Variants in TNFRSF19 observed in about 807,000 individuals in gnomAD.
TNFRSF19 encodes tumor necrosis factor receptor superfamily member 19.
In TNFRSF19, 27 loss-of-function variants were observed where a neutral mutation model predicts 46.4. The observed-to-expected ratio is 0.58, with a 90% confidence interval of 0.43 to 0.80. The LOEUF (loss-of-function observed/expected upper bound fraction) is 0.80. Ranked by LOEUF, TNFRSF19 falls within the 30% of genes least tolerant of loss-of-function variation. The probability of loss-of-function intolerance (pLI) is 0.00; values close to 1 mark genes in which losing one functional copy is unlikely to be tolerated. For synonymous variants in TNFRSF19, 204 were observed against 205.0 expected, an observed-to-expected ratio of 1.00 and a Z score of 0.04; for missense variants, 511 against 530.8, an observed-to-expected ratio of 0.96 and a Z score of 0.37.
At chr13:23,622,340 C>T (rs536422410) in intron 4 of TNFRSF19, among the ~76,000 whole-genome samples, 1 of 151,224 alleles carries the variant, frequency 6.6e-6, no homozygotes, top group South Asian at 2.1e-4. Context: ...ACCTGGGAGG[C>T]AGAGGTTGCA....
intron 4 of TNFRSF19, 139 bp from the exon 5 acceptor site, chr13:23,626,568 G>A (rs1251490771): frequency 4.3e-6 from 3 of 698,556 alleles, no homozygotes; most frequent in African/African-American, 3.6e-5. Context: ...TCAAAAATGT[G>A]TCTACCTAAG....
intron 7 of TNFRSF19, among the ~76,000 whole-genome samples, chr13:23,664,712 C>G (rs1243476950): frequency 6.6e-6 from 1 of 152,194 alleles, no homozygotes; most frequent in Non-Finnish European, 1.5e-5. Flanking sequence ...GTATATACAG[C>G]CATGCATTGC....
chr13:23,604,602 TA>T (rs1183160281), intron 3 of TNFRSF19, among the ~76,000 whole-genome samples: 4 of 152,144 alleles, frequency 2.6e-5, no homozygotes, highest in Non-Finnish European at 5.9e-5. Flanking sequence ...CATCAAGACT[TA>T]CTGTAAACAT....
intron 3 of TNFRSF19, among the ~76,000 whole-genome samples, chr13:23,601,863 AAAG>A (rs1880185640): frequency 2.0e-5 from 3 of 152,218 alleles, no homozygotes; most frequent in African/African-American, 4.8e-5. Context: ...ACAAGTATAA[AAAG>A]AAGTATAACT....
intron 3 of TNFRSF19, among the ~76,000 whole-genome samples, chr13:23,609,322 G>C (rs1477742612): frequency 1.3e-5 from 2 of 152,166 alleles, no homozygotes; most frequent in African/African-American, 4.8e-5. Context: ...TGGGCATTCT[G>C]AACCATAAAT....
Position 23,674,315 on chromosome 13 carries a change from T to G in TNFRSF19, c.*935T>G, listed in dbSNP as rs1454455226. 5 of 152,184 alleles carry G rather than the reference T, an allele frequency of 3.3e-5. No individual in the cohort carries two copies. The highest frequency in any genetic ancestry group is 1.2e-4 in the African/African-American group (5 of 41,454). The allele number at this position is 152,184 out of a possible 1,614,324, so 9.4% of individuals were successfully genotyped here. A position where few individuals can be genotyped will look rare whatever the true frequency, so the allele number is the denominator to read the frequency against. On this transcript the variant is annotated 3_prime_UTR_variant, in exon 10 of 10. Coordinates refer to ENST00000248484, the MANE Select transcript of TNFRSF19 (RefSeq NM_148957.4). ...ACTAAAGGCTTTAGAAATTACAACATATCAGGTTCCCCTACTACTGAAGTA... is the reference window on the plus strand; with the variant it reads ...ACTAAAGGCTTTAGAAATTACAACAGATCAGGTTCCCCTACTACTGAAGTA...
At chr13:23,634,573 GT>G (rs1566200466) in intron 5 of TNFRSF19, among the ~76,000 whole-genome samples, 1 of 152,238 alleles carries the variant, frequency 6.6e-6, no homozygotes, top group Non-Finnish European at 1.5e-5. Context: ...AAGTCCACAC[GT>G]AGTGAAACAG....
chr13:23,598,156 C>G (rs1879872397), intron 3 of TNFRSF19, among the ~76,000 whole-genome samples: 1 of 152,098 alleles, frequency 6.6e-6, no homozygotes, highest in African/African-American at 2.4e-5. Context: ...TGGGCAAAAG[C>G]TGGAAGCATT....
At chr13:23,650,114 T>C (rs972366101) in intron 5 of TNFRSF19, among the ~76,000 whole-genome samples, 3 of 152,220 alleles carry the variant, frequency 2.0e-5, no homozygotes, top group Non-Finnish European at 4.4e-5. Flanking sequence ...CAAACAGCTC[T>C]TCTGGCATAA....
intron 3 of TNFRSF19, among the ~76,000 whole-genome samples, chr13:23,596,513 A>G (rs1879739050): frequency 1.3e-5 from 2 of 152,142 alleles, no homozygotes; most frequent in Non-Finnish European, 2.9e-5. Flanking sequence ...ACATAATGGT[A>G]TAAGGGATCA....
At chr13:23,572,652 C>T (rs1461029405) in intron 1 of TNFRSF19, among the ~76,000 whole-genome samples, 2 of 152,156 alleles carry the variant, frequency 1.3e-5, no homozygotes, top group African/African-American at 2.4e-5. Context: ...TGAAAATCCA[C>T]TTCAGTGTTT....
intron 4 of TNFRSF19, among the ~76,000 whole-genome samples, chr13:23,618,520 T>C (rs1881452805): frequency 6.6e-6 from 1 of 152,184 alleles, no homozygotes; most frequent in African/African-American, 2.4e-5. Flanking sequence ...ATTGGAATGT[T>C]GGTGATGACG....
At chr13:23,590,481 C>T (rs922805124) in intron 2 of TNFRSF19, among the ~76,000 whole-genome samples, 20 of 152,034 alleles carry the variant, frequency 1.3e-4, no homozygotes, top group African/African-American at 4.8e-4. Flanking sequence ...ATTACAGGCA[C>T]CCACCACCAC....
intron 2 of TNFRSF19, among the ~76,000 whole-genome samples, chr13:23,591,422 T>C (rs563411367): frequency 2.4e-4 from 37 of 152,010 alleles, no homozygotes; most frequent in Non-Finnish European, 4.4e-4. Context: ...CACTGCACTC[T>C]AGCCTGGGCA....
chr13:23,644,777 C>T (rs1883234360), intron 5 of TNFRSF19, among the ~76,000 whole-genome samples: 1 of 152,164 alleles, frequency 6.6e-6, no homozygotes, highest in South Asian at 2.1e-4. Flanking sequence ...ATAGGCTGGC[C>T]TGTATGTCTG....
chr13:23,643,599 C>T (rs1419006658), intron 5 of TNFRSF19, among the ~76,000 whole-genome samples: 1 of 152,196 alleles, frequency 6.6e-6, no homozygotes, highest in East Asian at 1.9e-4. Flanking sequence ...GGACATTTCA[C>T]ATTTTCTTCT....
At position 23,588,290 on chromosome 13, in the gene TNFRSF19, C is replaced by T. The variant is rs78841845; in HGVS notation, c.-34-1860C>T. 7.1e-3 allele frequency among the ~76,000 whole-genome samples: 1,076 copies of T among 152,320 alleles called. 13 individuals carry two copies. Among genetic ancestry groups the T allele is most frequent in the African/African-American group, 0.024 (999 of 41,562 alleles). ...GTCTCAATAACAACAGCAGCAGTAA[C>T]AGCATCAGCAACTGCTCCGGGCGCT... is the stretch of plus-strand genomic sequence containing the variant. On this transcript the variant is annotated intron_variant, in intron 1 of 9. Transcript: ENST00000248484.
At chr13:23,590,314 A>T in intron 2 of TNFRSF19, 62 bp downstream of exon 2, 1 of 983,130 alleles carries the variant, frequency 1.0e-6, no homozygotes, top group Non-Finnish European at 1.5e-6. Context: ...ACTAATAAGT[A>T]GTAGGAGTAC....
At chr13:23,606,029 T>C (rs1255812675) in intron 3 of TNFRSF19, among the ~76,000 whole-genome samples, 1 of 152,114 alleles carries the variant, frequency 6.6e-6, no homozygotes, top group African/African-American at 2.4e-5. Flanking sequence ...AGAATGAGCC[T>C]TTGTGTGTGG....
Sources: allele counts gnomAD v4.1 joint callset (sites outside exome capture counted in the v4.1 genomes callset), GRCh38; gene constraint gnomAD v4.1.1; transcripts MANE v1.5; gene names NCBI Gene and HGNC (gene_info 2026-07-23, HGNC 2026-07-21).